TTC38: variants seen among roughly 807,000 people sequenced by gnomAD.
The protein encoded by TTC38 is tetratricopeptide repeat domain 38.
In TTC38, 64 loss-of-function variants were observed where a neutral mutation model predicts 64.2. The observed-to-expected ratio is 1.00, with a 90% CI of 0.81 to 1.23. TTC38 has a LOEUF of 1.23. Ranked by LOEUF, TTC38 falls within the 50% of genes most tolerant of loss-of-function variation. The pLI, the probability that TTC38 is intolerant of heterozygous loss-of-function variation, is 0.00. For synonymous variants in TTC38, 254 were observed against 249.3 expected (o/e 1.02, Z -0.18); for missense variants, 573 against 615.5 (o/e 0.93, Z 0.73).
At position 46,276,840 on chromosome 22, in the gene TTC38, T is replaced by TATATATATATATAA. The variant is rs930283302; in HGVS notation, c.539+1420_539+1421insTATATATATATAAA. ...TATATATTAAATATATATATATATA[T>TATATATATATATAA]AAACATATATATATATAAAAAATAC... On this transcript the variant is annotated intron_variant, in intron 5 of 13. Transcript: ENST00000381031. The surrounding 1 kb of genome is among the most constrained non-coding windows in gnomAD (Gnocchi z 4.7). Among the ~76,000 whole-genome samples the TATATATATATATAA allele has an allele frequency of 1.6e-4, 22 of 137,898 alleles. No individual in the cohort carries two copies. The highest frequency in any genetic ancestry group is 6.5e-4 in the African/African-American group (22 of 33,688). The allele number at this position is 137,898 out of a possible 152,430, so 90.5% of individuals were successfully genotyped here. A position where few individuals can be genotyped will look rare whatever the true frequency, so the allele number is the denominator to read the frequency against.
chr22:46,268,614 CG>C, intron 2 of TTC38, 23 bp downstream of exon 2: 1 of 1,611,510 alleles, frequency 6.2e-7, no homozygotes, highest in Non-Finnish European at 8.5e-7. Flanking sequence ...AGAGAGGCCG[CG>C]GCCCCTTCTG....
At chr22:46,283,014 G>C (rs763516667) in intron 7 of TTC38, among the ~76,000 whole-genome samples, 3 of 152,066 alleles carry the variant, frequency 2.0e-5, no homozygotes, top group Non-Finnish European at 4.4e-5. Context: ...CCGCAGCCTC[G>C]ACCGCCTGGG....
At position 46,274,775 on chromosome 22, in the gene TTC38, C is replaced by A. The variant is rs999616644; in HGVS notation, c.366-473C>A. Among the ~76,000 whole-genome samples, 14 of 151,602 alleles carry A rather than the reference C, an allele frequency of 9.2e-5. No homozygotes were observed. The highest frequency in any genetic ancestry group is 3.4e-4 in the African/African-American group (14 of 41,274). ...TAAATTGAACTAAAGAGTAAAAGTT[C>A]CCACTGGGTTTTCAGTTTGTTTTCT... On this transcript the variant is annotated intron_variant, in intron 4 of 13. Transcript: ENST00000381031. The surrounding 1 kb of genome is among the most constrained non-coding windows in gnomAD (Gnocchi z 4.8).
chr22:46,285,625 CAG>C (rs1193905730), intron 9 of TTC38, among the ~76,000 whole-genome samples: 7 of 150,370 alleles, frequency 4.7e-5, no homozygotes, highest in Non-Finnish European at 1.0e-4. Context: ...TTTTTTGAGA[CAG>C]AGTTTCGCTC....
intron 10 of TTC38, 51 bp downstream of exon 10, chr22:46,287,205 G>A (rs1335196007): frequency 6.7e-7 from 1 of 1,503,148 alleles, no homozygotes; most frequent in Admixed American, 1.8e-5. Context: ...CCCACATCAT[G>A]AGGAGAGGGT....
Position 46,281,354 on chromosome 22 carries a change from G to A in TTC38, c.616-245G>A, listed in dbSNP as rs748428423. On this transcript the variant is annotated intron_variant, in intron 6 of 13. Transcript: ENST00000381031. The surrounding 1 kb of genome is among the most constrained non-coding windows in gnomAD (Gnocchi z 5.2). ...TGCTGCTGTCCAGCTGGGTGAAGTC[G>A]CATAGCCTCCCTAAGACTCAGCTTC... 1.3e-5 allele frequency among the ~76,000 whole-genome samples: 2 copies of A among 152,198 alleles called. No individual in the cohort carries two copies. Among genetic ancestry groups the A allele is most frequent in the Non-Finnish European group, 2.9e-5 (2 of 68,048 alleles).
chr22:46,268,664 G>T lies in TTC38; in HGVS notation c.111+73G>T, dbSNP rs915641998. The T allele has an allele frequency of 1.6e-4, 220 of 1,416,938 alleles. 1 individual carries two copies. Among genetic ancestry groups the T allele is most frequent in the Middle Eastern group, 8.9e-4 (5 of 5,642 alleles). 87.8% of individuals were successfully genotyped at this position (1,416,938 alleles called of 1,614,324 possible). A position where few individuals can be genotyped will look rare whatever the true frequency, so the allele number is the denominator to read the frequency against. On this transcript the variant is annotated intron_variant, in intron 2 of 13. Coordinates refer to ENST00000381031, the MANE Select transcript of TTC38 (RefSeq NM_017931.4). ...GAAGGTTTTTTAATTGGGGAAAGCT[G>T]TTTTTTTGTTTTGTTTTGTTTTGTT...
rs1936996816 is a variant in TTC38, at chr22:46,275,856, A to G, written c.539+435A>G. Among the ~76,000 whole-genome samples, 1 of 152,178 alleles carries G rather than the reference A, an allele frequency of 6.6e-6. No homozygotes were observed. Among genetic ancestry groups the G allele is most frequent in the Non-Finnish European group, 1.5e-5 (1 of 68,034 alleles). ...GCAAGCTTTCCTTGGGGGGCTTACA[A>G]TGGCAATTAAAGGTTTAGAATGAAA... On this transcript the variant is annotated intron_variant, in intron 5 of 13. Transcript: ENST00000381031. The surrounding 1 kb of genome is among the most constrained non-coding windows in gnomAD (Gnocchi z 4.5).
chr22:46,290,890 C>CCTGCCA (rs1322239625), intron 13 of TTC38, among the ~76,000 whole-genome samples: 1 of 152,176 alleles, frequency 6.6e-6, no homozygotes, highest in Non-Finnish European at 1.5e-5. Context: ...TGCCCATGTC[C>CCTGCCA]CTGCCACCCT....
chr22:46,285,361 A>G (rs1460740230), intron 9 of TTC38, 82 bp downstream of exon 9: 16 of 1,335,596 alleles, frequency 1.2e-5, no homozygotes, highest in East Asian at 6.9e-5. Flanking sequence ...TGAGTTCATC[A>G]GGATTGTCCC....
In TTC38 at chr22:46,292,159, GTC is replaced by G. The variant is rs1420264598; in HGVS notation, c.1317-628_1317-627del. On this transcript the variant is annotated intron_variant, in intron 13 of 13. Transcript: ENST00000381031. The surrounding 1 kb of genome is among the most constrained non-coding windows in gnomAD (Gnocchi z 6.5). ...TTCCTTTGAGTGCTAATTCTTTCAC[GTC>G]TCTTCTTTCTTCTTTCTTTTTAAAT... is the stretch of plus-strand genomic sequence containing the variant. 2.3e-6 allele frequency: 1 copy of G among 427,604 alleles called. No individual in the cohort carries two copies. Among genetic ancestry groups the G allele is most frequent in the Non-Finnish European group, 4.6e-6 (1 of 217,552 alleles). 26.5% of individuals were successfully genotyped at this position (427,604 alleles called of 1,614,324 possible).
chr22:46,281,777 G>A lies in TTC38; in HGVS notation c.735+59G>A. 6.2e-7 allele frequency: 1 copy of A among 1,607,632 alleles called. No homozygotes were observed. The highest frequency in any genetic ancestry group is 1.1e-5 in the South Asian group (1 of 90,884). Reference sequence around the variant, plus strand: ...AAATTCAGTGCATCCCCTTGAGTCAGGCCAAGGCTTTATGGACAAGAGTTA... The same window carrying A: ...AAATTCAGTGCATCCCCTTGAGTCAAGCCAAGGCTTTATGGACAAGAGTTA... On this transcript the variant is annotated intron_variant, in intron 7 of 13. Coordinates refer to ENST00000381031, the MANE Select transcript of TTC38 (RefSeq NM_017931.4). The surrounding 1 kb of genome is among the most constrained non-coding windows in gnomAD (Gnocchi z 5.2).
intron 13 of TTC38, among the ~76,000 whole-genome samples, chr22:46,290,425 C>G (rs1290457135): frequency 6.6e-6 from 1 of 151,828 alleles, no homozygotes; most frequent in Non-Finnish European, 1.5e-5. Context: ...GAGGGCAGAC[C>G]CGAAACCACA....
In TTC38 at chr22:46,291,442, G is replaced by A. The variant is rs548045561; in HGVS notation, c.1317-1349G>A. On this transcript the variant is annotated intron_variant, in intron 13 of 13. Coordinates refer to ENST00000381031, the MANE Select transcript of TTC38 (RefSeq NM_017931.4). The surrounding 1 kb of genome is among the most constrained non-coding windows in gnomAD (Gnocchi z 4.6). ...CCGACTGCATTAGGAGACGTGGAGG[G>A]GGCCTTCTCTCCAAGTCCTGTCCTG... is the stretch of plus-strand genomic sequence containing the variant. Among the ~76,000 whole-genome samples, 3 of 152,122 alleles carry A rather than the reference G, an allele frequency of 2.0e-5. No homozygotes were observed. Among genetic ancestry groups the A allele is most frequent in the Non-Finnish European group, 2.9e-5 (2 of 68,012 alleles).
intron 1 of TTC38, 75 bp downstream of exon 1, chr22:46,268,147 A>C: frequency 6.8e-7 from 1 of 1,470,944 alleles, no homozygotes; most frequent in Non-Finnish European, 9.1e-7. Flanking sequence ...TGGCGGAATA[A>C]CGGGAGACAT....
In TTC38 at chr22:46,288,575, C is replaced by T. The variant is rs763753465; in HGVS notation, c.1069C>T (p.Arg357Trp). 2.7e-5 allele frequency: 44 copies of T among 1,613,114 alleles called. No homozygotes were observed. In the Middle Eastern group the frequency reaches 8.2e-4, roughly 30 times the overall value. The stretch of plus-strand genomic sequence containing the variant: ...CACACAGGAGCTGCTGACCACCCTG[C>T]GGGACGCCAGCGAGTATGCAGAGGG... ...QTTQELLTTLRDASESPGENC... is the reference protein window; with the variant it reads ...QTTQELLTTLWDASESPGENC... Residue 357 changes from arginine (R) to tryptophan (W), a missense_variant, in exon 11 of 14, where the codon CGG becomes TGG. By Grantham distance (101) the Arg-to-Trp change is moderately radical. Transcript: ENST00000381031.
Position 46,281,931 on chromosome 22 carries a change from C to A in TTC38, c.735+213C>A. On this transcript the variant is annotated intron_variant, in intron 7 of 13. Coordinates refer to ENST00000381031, the MANE Select transcript of TTC38 (RefSeq NM_017931.4). This position sits in a 1 kb window ranked among gnomAD's most constrained non-coding sequence, Gnocchi z 5.2. ...CCAGGCCCATACCTTGCCCTAGGGA[C>A]TCCACTGAGGGTCCAGCCCAGACTT... 1 of 689,774 alleles carries A rather than the reference C, an allele frequency of 1.4e-6. No individual in the cohort carries two copies. The allele number at this position is 689,774 out of a possible 1,614,324, so 42.7% of individuals were successfully genotyped here. A position where few individuals can be genotyped will look rare whatever the true frequency, so the allele number is the denominator to read the frequency against.
chr22:46,278,136 G>C (rs1461526023), intron 5 of TTC38, among the ~76,000 whole-genome samples: 1 of 152,218 alleles, frequency 6.6e-6, no homozygotes, highest in East Asian at 1.9e-4. Context: ...CTGTAGCGAA[G>C]GGCTGCAAAC....
intron 10 of TTC38, among the ~76,000 whole-genome samples, chr22:46,288,178 A>G (rs1344672017): frequency 6.6e-6 from 1 of 152,184 alleles, no homozygotes; most frequent in Admixed American, 6.5e-5. Flanking sequence ...GCTTTGTTTA[A>G]TAACCTTTGA....
Sources: gnomAD v4.1 joint callset for allele counts (sites outside exome capture counted in the v4.1 genomes callset) on GRCh38, gnomAD v4.1.1 for gene constraint, Gnocchi (gnomAD v3.1) non-coding constraint, MANE v1.5 for transcripts, NCBI Gene and HGNC (gene_info 2026-07-23, HGNC 2026-07-21) for gene names.